The following NID2 variants were observed in gnomAD, a reference collection of about 807,000 sequenced individuals.
The protein encoded by NID2 is nidogen-2.
NID2 carries 83 observed loss-of-function variants against 145.4 expected under a neutral mutation model. The observed-to-expected ratio is 0.57, with a 90% CI of 0.48 to 0.69. NID2 has a LOEUF of 0.69. NID2 is among the 30% of genes least tolerant of loss of function. NID2 has a pLI of 0.00. For missense variants in NID2, 1,807 were observed against 1,765.7 expected (o/e 1.02, Z -0.42); for synonymous variants, 739 against 701.3 (o/e 1.05, Z -0.85).
chr14:52,056,581 AG>A (rs1340467108), intron 3 of NID2, among the ~76,000 whole-genome samples: 2 of 152,032 alleles, frequency 1.3e-5, no homozygotes, highest in Non-Finnish European at 2.9e-5. Context: ...GGATCACCTG[AG>A]GTTAGGAGTT....
chr14:52,053,428 T>G, intron 5 of NID2, 151 bp downstream of exon 5: 1 of 839,274 alleles, frequency 1.2e-6, no homozygotes, highest in Non-Finnish European at 1.9e-6. Flanking sequence ...GGAAATTTAC[T>G]CTATCTCTTG....
intron 3 of NID2, among the ~76,000 whole-genome samples, chr14:52,057,573 G>A (rs764135275): frequency 1.3e-5 from 2 of 151,280 alleles, no homozygotes; most frequent in Admixed American, 1.3e-4. Flanking sequence ...TGTGGTGGTG[G>A]GCGCCTGTAA....
chr14:52,067,858 C>G lies in NID2; in HGVS notation c.534G>C (p.Glu178Asp). The change falls in exon 2 of 22, where the codon GAG (glutamate) becomes GAC (aspartate). Residue 178 changes from glutamate to aspartate, a missense_variant and splice_region_variant. By Grantham distance (45) the Glu-to-Asp change is conservative. Transcript: ENST00000216286. ...CAGTCAAATATCCCTGGTCACTTAC[C>G]TCTCCCGAGGGCAGCGCCCCGCGCT... ...EVKRGALPSG[E>D]LNTFQAVLAS... is the part of the protein sequence containing the mutation. 1 of 1,611,446 alleles carries G rather than the reference C, an allele frequency of 6.2e-7. No individual in the cohort carries two copies. Among genetic ancestry groups the G allele is most frequent in the Non-Finnish European group, 8.5e-7 (1 of 1,179,932 alleles).
intron 12 of NID2, among the ~76,000 whole-genome samples, chr14:52,020,432 C>T (rs1374646301): frequency 6.6e-6 from 1 of 152,106 alleles, no homozygotes; most frequent in Non-Finnish European, 1.5e-5. Flanking sequence ...AATGGGTAGT[C>T]GCTCACAGAA....
chr14:52,068,477 T>G (rs1893304073), intron 1 of NID2, among the ~76,000 whole-genome samples: 1 of 152,224 alleles, frequency 6.6e-6, no homozygotes, highest in Admixed American at 6.5e-5. Flanking sequence ...GGGCACAGCC[T>G]TCTCGCGGTC....
intron 9 of NID2, among the ~76,000 whole-genome samples, chr14:52,030,584 A>ACGT (rs752845785): frequency 3.0e-5 from 1 of 33,030 alleles, no homozygotes; most frequent in Admixed American, 3.1e-4. Flanking sequence ...AAGGGAAAGA[A>ACGT]AGAAAGAAAG....
In NID2 at chr14:52,007,926, A is replaced by G; in HGVS notation, c.3764T>C (p.Ile1255Thr). ...TTCTCCATCTAAAGATGACGTTTCA[A>G]TTTTAGGAGCTTCTCTATTCCAGTC... ...WTDWNREAPK[I>T]ETSSLDGENR... The change falls in exon 19 of 22, where the codon ATT (isoleucine) becomes ACT (threonine). Residue 1255 changes from isoleucine to threonine, a missense_variant. Transcript: ENST00000216286. The G allele has an allele frequency of 1.2e-6, 2 of 1,613,616 alleles. No individual in the cohort carries two copies. Among genetic ancestry groups the G allele is most frequent in the African/African-American group, 1.3e-5 (1 of 74,998 alleles).
chr14:52,014,721 GAAA>G (rs371606776), intron 15 of NID2, among the ~76,000 whole-genome samples: 1 of 143,220 alleles, frequency 7.0e-6, no homozygotes, highest in Admixed American at 6.9e-5. Flanking sequence ...TTTTTCAAGA[GAAA>G]AAAAAAACAG....
rs148389328 is a variant in NID2, at chr14:52,067,939, G to A, written c.453C>T (p.Thr151=). ...AGGTGGCCAGGAAGGCGTGGGTGGG[G>A]GTAAAGCGCGCAGAGCGCGGGAAGC... The part of the protein sequence containing the change: ...RAGFPRSARF[T]PTHAFLATWE... The change falls in exon 2 of 22, where the codon ACC becomes ACT. Residue 151 remains threonine, a synonymous_variant. Transcript: ENST00000216286. 1.1e-4 allele frequency: 184 copies of A among 1,612,062 alleles called. 2 individuals carry two copies. The African/African-American group carries it at 1.6e-3, about 14-fold the overall frequency.
At chr14:52,043,096 TTGTC>T (rs755405290) in intron 5 of NID2, among the ~76,000 whole-genome samples, 165 bp from the exon 6 acceptor site, 7 of 152,222 alleles carry the variant, frequency 4.6e-5, no homozygotes, top group Non-Finnish European at 1.0e-4. Flanking sequence ...TTAATCTGCT[TTGTC>T]TGCTGGCAAG....
intron 20 of NID2, 179 bp from the exon 21 acceptor site, chr14:52,006,028 C>T: frequency 1.7e-6 from 1 of 589,244 alleles, no homozygotes; most frequent in Non-Finnish European, 3.1e-6. Flanking sequence ...TTGCTCATCT[C>T]TAGCTGCATG....
At chr14:52,042,760 G>A in intron 6 of NID2, 22 bp downstream of exon 6, 3 of 1,612,928 alleles carry the variant, frequency 1.9e-6, no homozygotes, top group Non-Finnish European at 2.5e-6. Context: ...ACACACAGGA[G>A]TTCCTGGCCC....
rs761414747 is a variant in NID2, at chr14:52,042,827, A to G, written c.1534T>C (p.Cys512Arg). ...CCATTTCCATAAAACTTGGATTGGC[A>G]GTGGCAGCAGAAGCCAGTGGCATAG... Reference protein sequence around the residue: ...TDYATGFCCHCQSKFYGNGKH... With the variant: ...TDYATGFCCHRQSKFYGNGKH... The change falls in exon 6 of 22, where the codon TGC becomes CGC. Residue 512 changes from cysteine to arginine, a missense_variant. Transcript: ENST00000216286. 3.1e-6 allele frequency: 5 copies of G among 1,614,110 alleles called. No homozygotes were observed. In the East Asian group the frequency reaches 1.1e-4, roughly 36 times the overall value.
intron 14 of NID2, among the ~76,000 whole-genome samples, chr14:52,015,542 AGAG>A (rs369335945): frequency 7.9e-5 from 12 of 152,178 alleles, no homozygotes; most frequent in African/African-American, 2.7e-4. Context: ...AGAAAGAACA[AGAG>A]GAGGTAAGAT....
intron 16 of NID2, 65 bp from the exon 17 acceptor site, chr14:52,011,748 T>C: frequency 6.3e-7 from 1 of 1,592,670 alleles, no homozygotes; most frequent in African/African-American, 1.3e-5. Context: ...CACACTCAGC[T>C]GCCTTGCTCA....
At chr14:52,032,745 G>A (rs189165270) in intron 9 of NID2, among the ~76,000 whole-genome samples, 1 of 148,208 alleles carries the variant, frequency 6.7e-6, no homozygotes, top group African/African-American at 2.5e-5. Context: ...GCACATTCCA[G>A]CAAAGATTAG....
At position 52,005,367 on chromosome 14, in the gene NID2, G is replaced by GGATGCTCAGGAACGTC; in HGVS notation, c.*103_*118dup. 1 of 912,592 alleles carries GGATGCTCAGGAACGTC rather than the reference G, an allele frequency of 1.1e-6. No individual in the cohort carries two copies. The highest frequency in any genetic ancestry group is 1.6e-6 in the Non-Finnish European group (1 of 639,074). The allele number at this position is 912,592 out of a possible 1,614,324, so 56.5% of individuals were successfully genotyped here. A position where few individuals can be genotyped will look rare whatever the true frequency, so the allele number is the denominator to read the frequency against. ...TTTTGCACTACAAAATGTTCATCTT[G>GGATGCTCAGGAACGTC]GATGCTCAGGAACGTCTAATGGCCA... On this transcript the variant is annotated 3_prime_UTR_variant, in exon 22 of 22. Coordinates refer to ENST00000216286, the MANE Select transcript of NID2 (RefSeq NM_007361.4).
Position 52,042,343 on chromosome 14 carries a change from A to C in NID2, c.1587T>G (p.Pro529=). 1 of 1,609,698 alleles carries C rather than the reference A, an allele frequency of 6.2e-7. No individual in the cohort carries two copies. Among genetic ancestry groups the C allele is most frequent in the Non-Finnish European group, 8.5e-7 (1 of 1,176,738 alleles). Residue 529 remains proline (P), a synonymous_variant, in exon 7 of 22, where the codon CCT becomes CCG. Coordinates refer to ENST00000216286, the MANE Select transcript of NID2 (RefSeq NM_007361.4). ...NGKHCLPEGA[P]HRVNGKVSGH... ...CACTCACTTTCCCATTCACTCGGTG[A>C]GGTGCCCCTAAAAGACAGCAAATCC...
intron 9 of NID2, among the ~76,000 whole-genome samples, chr14:52,034,543 C>T (rs1210086720): frequency 6.6e-6 from 1 of 152,220 alleles, no homozygotes; most frequent in Non-Finnish European, 1.5e-5. Flanking sequence ...CCTACATTCC[C>T]AACCAAGTTT....
Sources: gnomAD v4.1 joint callset for allele counts (sites outside exome capture counted in the v4.1 genomes callset) on GRCh38, gnomAD v4.1.1 for gene constraint, MANE v1.5 for transcripts, NCBI Gene and HGNC (gene_info 2026-07-23, HGNC 2026-07-21) for gene names.